VAV2: variants seen among roughly 807,000 people sequenced by gnomAD.
VAV2 encodes the protein guanine nucleotide exchange factor VAV2.
Under a neutral mutation model 132.5 loss-of-function variants are expected in VAV2, and 67 were observed. That is an observed-to-expected ratio of 0.51 (90% CI 0.42 to 0.62). The LOEUF is 0.62. Ranked by LOEUF, VAV2 falls within the 20% of genes least tolerant of loss-of-function variation. The probability of loss-of-function intolerance (pLI) is 0.00; values close to 1 mark genes in which losing one functional copy is unlikely to be tolerated. For missense variants in VAV2, 938 were observed against 1,153.6 expected, an observed-to-expected ratio of 0.81 and a Z score of 2.71; for synonymous variants, 492 against 443.5, an observed-to-expected ratio of 1.11 and a Z score of -1.37.
chr9:133,788,509 G>T lies in VAV2; in HGVS notation c.1275-23C>A. On this transcript the variant is annotated intron_variant, in intron 14 of 29. Transcript: ENST00000371850. The surrounding 1 kb of genome is among the most constrained non-coding windows in gnomAD (Gnocchi z 5.3). Reference sequence around the variant, plus strand: ...TACCTGGGCCAGGCAGCGCAGCGGGGGATCAGCACCCCAGCACTGTGTGCT... The same window carrying T: ...TACCTGGGCCAGGCAGCGCAGCGGGTGATCAGCACCCCAGCACTGTGTGCT... The T allele has an allele frequency of 1.2e-6, 2 of 1,600,458 alleles. No homozygotes were observed. The highest frequency in any genetic ancestry group is 1.7e-6 in the Non-Finnish European group (2 of 1,169,388).
At chr9:133,800,971 A>G (rs1834905171) in intron 9 of VAV2, among the ~76,000 whole-genome samples, 1 of 152,256 alleles carries the variant, frequency 6.6e-6, no homozygotes, top group Non-Finnish European at 1.5e-5. Flanking sequence ...CAGCAGGTAG[A>G]GGCCTGTCCA....
At chr9:133,771,724 C>T (rs746454439) in intron 26 of VAV2, among the ~76,000 whole-genome samples, 40 of 152,200 alleles carry the variant, frequency 2.6e-4, no homozygotes, top group Non-Finnish European at 4.6e-4. Context: ...CCCACCCCTG[C>T]ACTGTTTACC....
At chr9:133,875,563 C>A (rs1224668230) in intron 2 of VAV2, among the ~76,000 whole-genome samples, 1 of 152,212 alleles carries the variant, frequency 6.6e-6, no homozygotes, top group African/African-American at 2.4e-5. Flanking sequence ...AAGAAACAGG[C>A]GATCCCCTTG....
Position 133,824,896 on chromosome 9 carries a change from C to T in VAV2, c.449+9376G>A, listed in dbSNP as rs77196957. ...AGAGGGCTCAGGGCCCGGCCTGCAG[C>T]GCTCAGGGAGATGCAACTGGAAGCG... On this transcript the variant is annotated intron_variant, in intron 4 of 29. Coordinates refer to ENST00000371850, the MANE Select transcript of VAV2 (RefSeq NM_001134398.2). The surrounding 1 kb of genome is among the most constrained non-coding windows in gnomAD (Gnocchi z 5.2). 6.6e-6 allele frequency among the ~76,000 whole-genome samples: 1 copy of T among 152,194 alleles called. No homozygotes were observed. Among genetic ancestry groups the T allele is most frequent in the African/African-American group, 2.4e-5 (1 of 41,440 alleles).
At position 133,970,090 on chromosome 9, in the gene VAV2, T is replaced by G. The variant is rs550646856; in HGVS notation, c.204+21985A>C. Among the ~76,000 whole-genome samples the G allele has an allele frequency of 1.3e-4, 19 of 151,970 alleles. No individual in the cohort carries two copies. The South Asian group carries it at 4.0e-3, about 32-fold the overall frequency. On this transcript the variant is annotated intron_variant, in intron 1 of 29. Coordinates refer to ENST00000371850, the MANE Select transcript of VAV2 (RefSeq NM_001134398.2). ...CTGGTCCTCCACCCTCCCTGCCCAC[T>G]CAACAGCTCCCACAATGGCCACACT...
chr9:133,784,531 AG>A, intron 17 of VAV2, 113 bp from the exon 18 acceptor site: 1 of 1,172,912 alleles, frequency 8.5e-7, no homozygotes, highest in East Asian at 2.4e-5. Context: ...AGAATCCGAG[AG>A]GGCCTGGACT....
chr9:133,928,133 A>G lies in VAV2; in HGVS notation c.321+10970T>C, dbSNP rs1840543387. ...AAAAACCTCTCCCATCCCCAGTTAT[A>G]AAACGGCGGGTCAGCATCCGATGGG... On this transcript the variant is annotated intron_variant, in intron 2 of 29. Transcript: ENST00000371850. This position sits in a 1 kb window ranked among gnomAD's most constrained non-coding sequence, Gnocchi z 5.4. 3.3e-5 allele frequency among the ~76,000 whole-genome samples: 5 copies of G among 152,090 alleles called. No individual in the cohort carries two copies. Among genetic ancestry groups the G allele is most frequent in the Admixed American group, 3.3e-4 (5 of 15,278 alleles).
At chr9:133,888,785 T>C (rs1318398281) in intron 2 of VAV2, among the ~76,000 whole-genome samples, 2 of 152,200 alleles carry the variant, frequency 1.3e-5, no homozygotes, top group East Asian at 1.9e-4. Context: ...GGCTGCAAGA[T>C]ACTTAACATT....
intron 1 of VAV2, among the ~76,000 whole-genome samples, chr9:133,954,091 G>A (rs929823458): frequency 3.9e-5 from 6 of 152,180 alleles, no homozygotes; most frequent in East Asian, 1.9e-4. Context: ...CAACAAACAC[G>A]GCCGAAACCG....
chr9:133,964,048 T>TATAA (rs1483475230), intron 1 of VAV2, among the ~76,000 whole-genome samples: 2 of 80,472 alleles, frequency 2.5e-5, no homozygotes, highest in Admixed American at 1.5e-4. Flanking sequence ...TATATATATA[T>TATAA]ACATATATAT....
intron 2 of VAV2, among the ~76,000 whole-genome samples, chr9:133,871,316 ATTGGGGG>A: frequency 6.8e-6 from 1 of 147,212 alleles, no homozygotes. Context: ...GGATGGATGA[ATTGGGGG>A]TGGATGGATG....
intron 3 of VAV2, among the ~76,000 whole-genome samples, chr9:133,854,249 T>G (rs1308828166): frequency 7.4e-6 from 1 of 134,970 alleles, no homozygotes; most frequent in African/African-American, 3.3e-5. Context: ...ATACATGCAC[T>G]CATCTGCACA....
intron 1 of VAV2, among the ~76,000 whole-genome samples, chr9:133,987,452 A>G (rs141131194): frequency 9.4e-4 from 144 of 152,386 alleles, no homozygotes; most frequent in African/African-American, 3.4e-3. Flanking sequence ...TCTTCCAGCA[A>G]TGGCACAGCT....
In VAV2 at chr9:133,914,497, G is replaced by A. The variant is rs535784213; in HGVS notation, c.321+24606C>T. 3.4e-5 allele frequency among the ~76,000 whole-genome samples: 5 copies of A among 149,202 alleles called. No homozygotes were observed. The South Asian group carries it at 1.1e-3, about 33-fold the overall frequency. ...GAGGACACCACACTCAGGGGAAGAT[G>A]CAGACTCAAAGGGCGCGCAGCGTGT... On this transcript the variant is annotated intron_variant, in intron 2 of 29. Transcript: ENST00000371850.
chr9:133,969,760 T>A lies in VAV2; in HGVS notation c.204+22315A>T, dbSNP rs1475809926. ...GCTCCAGCGGGGCCGTCCATCTCTCTCCATTCCCACTTCTCTCCCCACCCC... is the reference window on the plus strand; with the variant it reads ...GCTCCAGCGGGGCCGTCCATCTCTCACCATTCCCACTTCTCTCCCCACCCC... On this transcript the variant is annotated intron_variant, in intron 1 of 29. Transcript: ENST00000371850. The surrounding 1 kb of genome is among the most constrained non-coding windows in gnomAD (Gnocchi z 5.1). 6.6e-6 allele frequency among the ~76,000 whole-genome samples: 1 copy of A among 151,986 alleles called. No homozygotes were observed. The highest frequency in any genetic ancestry group is 1.9e-4 in the East Asian group (1 of 5,186).
chr9:133,862,563 C>T (rs1837639698), intron 2 of VAV2, among the ~76,000 whole-genome samples: 1 of 152,170 alleles, frequency 6.6e-6, no homozygotes, highest in African/African-American at 2.4e-5. Flanking sequence ...TGCACGGCTG[C>T]GCAGCTGTAT....
At chr9:133,932,517 TG>T (rs1273482928) in intron 2 of VAV2, among the ~76,000 whole-genome samples, 3 of 152,190 alleles carry the variant, frequency 2.0e-5, no homozygotes, top group Non-Finnish European at 4.4e-5. Flanking sequence ...TAGTTCCTAC[TG>T]GAACTTGCGG....
At chr9:133,965,390 T>C (rs1365150954) in intron 1 of VAV2, among the ~76,000 whole-genome samples, 1 of 149,158 alleles carries the variant, frequency 6.7e-6, no homozygotes, top group Non-Finnish European at 1.5e-5. Context: ...TCCCAGCTAC[T>C]AGGGAGGCTG....
chr9:133,788,489 G>A lies in VAV2; in HGVS notation c.1275-3C>T, dbSNP rs759069988. On this transcript the variant is annotated splice_polypyrimidine_tract_variant and splice_region_variant and intron_variant, in intron 14 of 29. Coordinates refer to ENST00000371850, the MANE Select transcript of VAV2 (RefSeq NM_001134398.2). The surrounding 1 kb of genome is among the most constrained non-coding windows in gnomAD (Gnocchi z 5.3). ...CCTTGTCAAACAGGAACAAGTACCT[G>A]GGCCAGGCAGCGCAGCGGGGGATCA... 1.2e-6 allele frequency: 2 copies of A among 1,605,192 alleles called. No homozygotes were observed. Among genetic ancestry groups the A allele is most frequent in the Non-Finnish European group, 1.7e-6 (2 of 1,172,804 alleles).
Sources: allele counts gnomAD v4.1 joint callset (sites outside exome capture counted in the v4.1 genomes callset), GRCh38; gene constraint gnomAD v4.1.1; non-coding constraint Gnocchi (gnomAD v3.1); transcripts MANE v1.5; gene names NCBI Gene and HGNC (gene_info 2026-07-23, HGNC 2026-07-21).